The following PLXNA4 variants were observed in gnomAD, a reference collection of about 807,000 sequenced individuals.
The protein encoded by PLXNA4 is plexin-A4.
Under a neutral mutation model 191.8 loss-of-function variants are expected in PLXNA4, and 44 were observed. The ratio of observed to expected loss-of-function variants is 0.23; its 90% CI spans 0.18 to 0.29. The LOEUF is 0.29. Among genes scored for constraint, PLXNA4 ranks in the 10% least tolerant of loss-of-function variants. PLXNA4 has a pLI of 1.00. For missense variants in PLXNA4, 1,800 were observed against 2,488.8 expected, an observed-to-expected ratio of 0.72 and a Z score of 5.89; for synonymous variants, 1,082 against 1,009.5, an observed-to-expected ratio of 1.07 and a Z score of -1.36.
chr7:132,624,417 C>A (rs180867884), intron 2 of PLXNA4, among the ~76,000 whole-genome samples: 10 of 152,168 alleles, frequency 6.6e-5, no homozygotes, highest in African/African-American at 2.4e-4. Flanking sequence ...GAAAGGTGAT[C>A]CTTTCTCATG....
chr7:132,486,807 T>C (rs778417223), intron 3 of PLXNA4, among the ~76,000 whole-genome samples: 4 of 152,238 alleles, frequency 2.6e-5, no homozygotes, highest in Non-Finnish European at 5.9e-5. Context: ...GTATTGCCTG[T>C]GTCACCTGTC....
intron 3 of PLXNA4, among the ~76,000 whole-genome samples, chr7:132,473,408 G>A (rs1255764140): frequency 1.3e-5 from 2 of 152,266 alleles, no homozygotes; most frequent in Middle Eastern, 3.4e-3. Flanking sequence ...GGGCAGTGGC[G>A]GCAGGTCCTT....
At chr7:132,448,813 T>C (rs1796005863) in intron 3 of PLXNA4, among the ~76,000 whole-genome samples, 1 of 152,250 alleles carries the variant, frequency 6.6e-6, no homozygotes, top group Non-Finnish European at 1.5e-5. Flanking sequence ...CTGAATTCTA[T>C]ATGCACATTT....
chr7:132,172,674 G>A (rs991349237), intron 21 of PLXNA4, among the ~76,000 whole-genome samples: 1 of 151,982 alleles, frequency 6.6e-6, no homozygotes, highest in African/African-American at 2.4e-5. Context: ...CGGCTAATGC[G>A]GGCCAGTAAA....
At chr7:132,273,357 C>T (rs73723766) in intron 4 of PLXNA4, among the ~76,000 whole-genome samples, 1,906 of 152,038 alleles carry the variant, frequency 0.013, 33 homozygotes, top group African/African-American at 0.043. Flanking sequence ...CACACACACA[C>T]GCACGCACAC....
At chr7:132,630,411 T>C (rs147486356) in intron 2 of PLXNA4, among the ~76,000 whole-genome samples, 3 of 152,308 alleles carry the variant, frequency 2.0e-5, no homozygotes, top group Non-Finnish European at 4.4e-5. Flanking sequence ...TCCAGCAGAG[T>C]TTTCACTTTC....
chr7:132,497,610 T>C (rs887312506), intron 2 of PLXNA4, among the ~76,000 whole-genome samples: 7 of 152,218 alleles, frequency 4.6e-5, no homozygotes, highest in Non-Finnish European at 8.8e-5. Flanking sequence ...AATCCTCTGA[T>C]TGCTTTCCTG....
intron 3 of PLXNA4, among the ~76,000 whole-genome samples, chr7:132,416,890 A>C (rs1486951885): frequency 6.6e-6 from 1 of 152,042 alleles, no homozygotes; most frequent in Non-Finnish European, 1.5e-5. Context: ...TCCCACCCCC[A>C]TACTGTTCAT....
chr7:132,490,331 A>C (rs1797745339), intron 2 of PLXNA4, among the ~76,000 whole-genome samples: 1 of 152,190 alleles, frequency 6.6e-6, no homozygotes, highest in Admixed American at 6.5e-5. Flanking sequence ...ACGATTAGTT[A>C]CATGAAAGGT....
rs35219127 is a variant in PLXNA4, at chr7:132,225,616, G to GCCCCC, written c.1982+540_1982+544dup. 1.2e-4 allele frequency among the ~76,000 whole-genome samples: 18 copies of GCCCCC among 149,828 alleles called. 1 individual carries two copies. The highest frequency in any genetic ancestry group is 4.2e-4 in the African/African-American group (17 of 40,484). ...CTTCCTGACCCCTAAGCCAGAGTCC[G>GCCCCC]CCCCCCCCCACAGCTTTCTGCCTCC... On this transcript the variant is annotated intron_variant, in intron 8 of 31. Transcript: ENST00000321063.
At chr7:132,633,195 A>G (rs1803526707) in intron 2 of PLXNA4, among the ~76,000 whole-genome samples, 1 of 152,194 alleles carries the variant, frequency 6.6e-6, no homozygotes, top group African/African-American at 2.4e-5. Flanking sequence ...GGCTGCAGAC[A>G]GCAAAGGTCT....
rs6956441 is a variant in PLXNA4, at chr7:132,158,413, G to T, written c.4660+1060C>A. On this transcript the variant is annotated intron_variant, in intron 25 of 31. Transcript: ENST00000321063. ...GGGTCCTCCCACCACTATGTTACCAGGAATCTCCAGATACGAGCACATACA... is the reference window on the plus strand; with the variant it reads ...GGGTCCTCCCACCACTATGTTACCATGAATCTCCAGATACGAGCACATACA... Among the ~76,000 whole-genome samples, 12 of 152,256 alleles carry T rather than the reference G, an allele frequency of 7.9e-5. No homozygotes were observed. The East Asian group carries it at 2.3e-3, about 29-fold the overall frequency.
chr7:132,238,557 T>A (rs944977460), intron 5 of PLXNA4, among the ~76,000 whole-genome samples: 7 of 152,136 alleles, frequency 4.6e-5, no homozygotes, highest in Non-Finnish European at 8.8e-5. Flanking sequence ...CAGCAGACAA[T>A]GATGACCACA....
intron 25 of PLXNA4, among the ~76,000 whole-genome samples, chr7:132,155,635 G>A (rs1795768298): frequency 6.6e-6 from 1 of 152,176 alleles, no homozygotes; most frequent in Admixed American, 6.5e-5. Flanking sequence ...AGCAGGGGGA[G>A]TGCTACCTGG....
chr7:132,600,864 T>A (rs1324362426), intron 2 of PLXNA4, among the ~76,000 whole-genome samples: 1 of 152,174 alleles, frequency 6.6e-6, no homozygotes, highest in Non-Finnish European at 1.5e-5. Context: ...AAGTCTATTT[T>A]ACCAATAATA....
chr7:132,174,672 T>C (rs889647754), intron 21 of PLXNA4, 106 bp downstream of exon 21: 3 of 1,521,964 alleles, frequency 2.0e-6, no homozygotes, highest in Admixed American at 1.8e-5. Context: ...GCAAGTTGTG[T>C]CCCCTCCCTG....
intron 3 of PLXNA4, among the ~76,000 whole-genome samples, chr7:132,358,206 C>T (rs1803789030): frequency 6.6e-6 from 1 of 152,214 alleles, no homozygotes; most frequent in Non-Finnish European, 1.5e-5. Flanking sequence ...TTGAAATATA[C>T]AAATCCTTTT....
intron 28 of PLXNA4, 138 bp from the exon 29 acceptor site, chr7:132,145,426 G>C (rs1017884665): frequency 4.3e-6 from 5 of 1,165,562 alleles, no homozygotes; most frequent in Non-Finnish European, 4.8e-6. Flanking sequence ...GTAAGTCCAT[G>C]CATTAAATCA....
chr7:132,449,844 T>C lies in PLXNA4; in HGVS notation c.1371+39448A>G, dbSNP rs532989841. On this transcript the variant is annotated intron_variant, in intron 3 of 31. Transcript: ENST00000321063. ...CCTAATCTGGCAATGGGTGTTCGCC[T>C]TGGGGGAACCAAGACCTCTCTGAGA... Among the ~76,000 whole-genome samples the C allele has an allele frequency of 5.8e-4, 89 of 152,352 alleles. 1 individual carries two copies. The highest frequency in any genetic ancestry group is 1.9e-3 in the African/African-American group (77 of 41,588).
Sources: allele counts gnomAD v4.1 joint callset (sites outside exome capture counted in the v4.1 genomes callset), GRCh38; gene constraint gnomAD v4.1.1; transcripts MANE v1.5; gene names NCBI Gene and HGNC (gene_info 2026-07-23, HGNC 2026-07-21).